Variants in RPS6KA2 observed in about 807,000 individuals in gnomAD.
RPS6KA2 encodes ribosomal protein S6 kinase A2, also known as ribosomal protein S6 kinase alpha-2.
A neutral mutation model predicts 91.8 loss-of-function variants in RPS6KA2; 42 were observed. The ratio of observed to expected loss-of-function variants is 0.46; its 90% CI spans 0.36 to 0.59. The LOEUF (loss-of-function observed/expected upper bound fraction) is 0.59. RPS6KA2 is among the 20% of genes least tolerant of loss of function. The pLI, the probability that RPS6KA2 is intolerant of heterozygous loss-of-function variation, is 0.00. For missense variants in RPS6KA2, 798 were observed against 978.5 expected (o/e 0.82, Z 2.46); for synonymous variants, 414 against 393.6 (o/e 1.05, Z -0.61).
At chr6:166,485,953 G>A (rs979047468) in intron 10 of RPS6KA2, among the ~76,000 whole-genome samples, 9 of 152,184 alleles carry the variant, frequency 5.9e-5, no homozygotes, top group African/African-American at 1.9e-4. Flanking sequence ...AAGGGTGAGC[G>A]CTGAGCCCTT....
chr6:166,776,676 G>T (rs986935238), intron 2 of RPS6KA2, among the ~76,000 whole-genome samples: 1 of 152,202 alleles, frequency 6.6e-6, no homozygotes, highest in African/African-American at 2.4e-5. Context: ...GGTCTTCTGG[G>T]TCTGGCTTCT....
At chr6:166,814,502 G>A (rs1779713625) in intron 2 of RPS6KA2, among the ~76,000 whole-genome samples, 1 of 152,244 alleles carries the variant, frequency 6.6e-6, no homozygotes, top group Non-Finnish European at 1.5e-5. Context: ...CACAGCAGGA[G>A]GTGAGTGGCC....
intron 2 of RPS6KA2, among the ~76,000 whole-genome samples, chr6:166,792,906 TG>T (rs368404580): frequency 0.35 from 52,489 of 151,604 alleles, 9,764 homozygotes; most frequent in African/African-American, 0.47. Flanking sequence ...TCATACTGAA[TG>T]GGCAAAAACT....
At chr6:166,420,728 C>A (rs1778694171) in intron 17 of RPS6KA2, among the ~76,000 whole-genome samples, 2 of 152,178 alleles carry the variant, frequency 1.3e-5, no homozygotes, top group Admixed American at 1.3e-4. Flanking sequence ...TGCGTCCCTG[C>A]CTTCAATTCT....
intron 2 of RPS6KA2, among the ~76,000 whole-genome samples, chr6:166,795,025 AAAAAAT>A (rs979118880): frequency 6.6e-6 from 1 of 151,954 alleles, no homozygotes; most frequent in African/African-American, 2.4e-5. Context: ...ATAAATAAAT[AAAAAAT>A]AAAAATAAAA....
chr6:166,504,634 C>CAA, intron 5 of RPS6KA2, 22 bp from the exon 6 acceptor site: 10 of 1,518,218 alleles, frequency 6.6e-6, no homozygotes, highest in Admixed American at 3.9e-5. Context: ...AAAACAAAAA[C>CAA]AAAAACAAAA....
chr6:166,741,873 T>C (rs1790825444), intron 2 of RPS6KA2, among the ~76,000 whole-genome samples: 2 of 152,156 alleles, frequency 1.3e-5, no homozygotes, highest in Non-Finnish European at 2.9e-5. Context: ...GCACCTGTAA[T>C]CCCAGCACTT....
chr6:166,489,417 A>G lies in RPS6KA2; in HGVS notation c.819-496T>C, dbSNP rs147177066. Among the ~76,000 whole-genome samples the G allele has an allele frequency of 5.6e-3, 849 of 152,314 alleles. 9 individuals carry two copies. Among genetic ancestry groups the G allele is most frequent in the African/African-American group, 0.02 (813 of 41,570 alleles). ...TGCGATGCTATGAAGAAAACCTGCG[A>G]GAGGAGGACCTGCAAACCCCGGGAG... On this transcript the variant is annotated intron_variant, in intron 9 of 20. Transcript: ENST00000265678.
At chr6:166,854,622 T>C (rs1780837776) in intron 2 of RPS6KA2, among the ~76,000 whole-genome samples, 1 of 152,214 alleles carries the variant, frequency 6.6e-6, no homozygotes, top group South Asian at 2.1e-4. Context: ...ATCATATATG[T>C]TCAGACTGGC....
Position 166,411,349 on chromosome 6 carries a change from G to T in RPS6KA2, c.*1413C>A, listed in dbSNP as rs893740466. On this transcript the variant is annotated 3_prime_UTR_variant, in exon 21 of 21. Transcript: ENST00000265678. The surrounding 1 kb of genome is among the most constrained non-coding windows in gnomAD (Gnocchi z 4.5). ...CTGAAGCCCTGCTTGCTGCAGAGGC[G>T]CCGCTCTTCAGTGATGCAGGGTGAG... 1 of 152,032 alleles carries T rather than the reference G, an allele frequency of 6.6e-6. No homozygotes were observed. Among genetic ancestry groups the T allele is most frequent in the African/African-American group, 2.4e-5 (1 of 41,382 alleles). The allele number at this position is 152,032 out of a possible 1,614,324, so 9.4% of individuals were successfully genotyped here. A position where few individuals can be genotyped will look rare whatever the true frequency, so the allele number is the denominator to read the frequency against.
intron 1 of RPS6KA2, among the ~76,000 whole-genome samples, chr6:166,541,604 C>T (rs1433166663): frequency 1.3e-5 from 2 of 152,168 alleles, no homozygotes; most frequent in South Asian, 2.1e-4. Flanking sequence ...CCAGTCAGCC[C>T]GTTTTTTAGG....
rs549758707 is a variant in RPS6KA2, at chr6:166,488,397, C to T, written c.907+436G>A. ...AGCCCACGGAGTAATCCTCAATACG[C>T]TGTCACATACACGAAAAGAAAATCA... On this transcript the variant is annotated intron_variant, in intron 10 of 20. Coordinates refer to ENST00000265678, the MANE Select transcript of RPS6KA2 (RefSeq NM_021135.6). Among the ~76,000 whole-genome samples, 10 of 152,310 alleles carry T rather than the reference C, an allele frequency of 6.6e-5. No individual in the cohort carries two copies. The South Asian group carries it at 1.4e-3, about 22-fold the overall frequency.
chr6:166,710,644 G>A (rs1789819670), intron 2 of RPS6KA2, among the ~76,000 whole-genome samples: 1 of 152,106 alleles, frequency 6.6e-6, no homozygotes. Flanking sequence ...TCTCTTCCAG[G>A]AAGATGGACT....
intron 2 of RPS6KA2, among the ~76,000 whole-genome samples, chr6:166,844,762 C>T (rs1367453522): frequency 2.6e-5 from 4 of 152,170 alleles, no homozygotes; most frequent in Non-Finnish European, 4.4e-5. Context: ...ACGAGAACTG[C>T]TAGAAGGAGC....
At chr6:166,454,921 AC>A in intron 12 of RPS6KA2, among the ~76,000 whole-genome samples, 1 of 150,334 alleles carries the variant, frequency 6.7e-6, no homozygotes, top group East Asian at 1.9e-4. Context: ...AAAATAGAAT[AC>A]TATAATACAT....
intron 2 of RPS6KA2, among the ~76,000 whole-genome samples, chr6:166,814,747 C>T (rs2037901): frequency 0.66 from 100,340 of 152,082 alleles, 33,730 homozygotes; most frequent in Non-Finnish European, 0.74. Flanking sequence ...CTAGGTTGCC[C>T]ACTCCTTATG....
chr6:166,416,885 C>T (rs1778550880), intron 19 of RPS6KA2, among the ~76,000 whole-genome samples: 1 of 152,128 alleles, frequency 6.6e-6, no homozygotes, highest in Non-Finnish European at 1.5e-5. Context: ...ATCATCATTC[C>T]CGCCATTACC....
chr6:166,794,283 T>C (rs1287328403), intron 2 of RPS6KA2, among the ~76,000 whole-genome samples: 2 of 150,666 alleles, frequency 1.3e-5, no homozygotes, highest in South Asian at 2.1e-4. Context: ...ATCAGAGAAA[T>C]GCAAATCAAA....
chr6:166,563,401 G>A lies in RPS6KA2; in HGVS notation c.100-24617C>T, dbSNP rs951914550. On this transcript the variant is annotated intron_variant, in intron 1 of 20. Transcript: ENST00000265678. The surrounding 1 kb of genome is among the most constrained non-coding windows in gnomAD (Gnocchi z 4.1). ...CCAGTCTCCTGGGCTCGCCGCCAGC[G>A]GTGGGATCCCTCTTCCTGCACAGAA... is the stretch of plus-strand genomic sequence containing the variant. 2.0e-5 allele frequency among the ~76,000 whole-genome samples: 3 copies of A among 152,172 alleles called. No homozygotes were observed. The highest frequency in any genetic ancestry group is 4.4e-5 in the Non-Finnish European group (3 of 68,022).
Sources: gnomAD v4.1 joint callset for allele counts (sites outside exome capture counted in the v4.1 genomes callset) on GRCh38, gnomAD v4.1.1 for gene constraint, Gnocchi (gnomAD v3.1) non-coding constraint, MANE v1.5 for transcripts, NCBI Gene and HGNC (gene_info 2026-07-23, HGNC 2026-07-21) for gene names.